PTCHD4: variants seen among roughly 807,000 people sequenced by gnomAD.
The protein encoded by PTCHD4 is patched domain-containing protein 4.
A neutral mutation model predicts 58.1 loss-of-function variants in PTCHD4; 33 were observed. The ratio of observed to expected loss-of-function variants is 0.57; its 90% CI spans 0.43 to 0.76. The LOEUF is 0.76. Among genes scored for constraint, PTCHD4 ranks in the 30% least tolerant of loss-of-function variants. The probability of loss-of-function intolerance (pLI) is 0.00; values close to 1 mark genes in which losing one functional copy is unlikely to be tolerated. For missense variants in PTCHD4, 1,058 were observed against 1,027.1 expected, an observed-to-expected ratio of 1.03 and a Z score of -0.41; for synonymous variants, 478 against 409.6, an observed-to-expected ratio of 1.17 and a Z score of -2.02.
rs1376098179 is a variant in PTCHD4 at position 47,860,239 on chromosome 6, A to G, written c.*18064T>C. On this transcript the variant is annotated 3_prime_UTR_variant, in exon 5 of 5. Coordinates refer to ENST00000339488, the MANE Select transcript of PTCHD4 (RefSeq NM_001384253.1). Reference sequence around the variant, plus strand: ...TTTAAAGAGATTGCAAGCAATTTAAAGGTAGAAAACACATCATACTTTTTC... The same window carrying G: ...TTTAAAGAGATTGCAAGCAATTTAAGGGTAGAAAACACATCATACTTTTTC... Among the ~76,000 whole-genome samples, 1 of 152,072 alleles carries G rather than the reference A, an allele frequency of 6.6e-6. No individual in the cohort carries two copies. Among genetic ancestry groups the G allele is most frequent in the African/African-American group, 2.4e-5 (1 of 41,440 alleles).
In PTCHD4 at chr6:47,957,438, C is replaced by T. The variant is rs16876871; in HGVS notation, c.898+51196G>A. 1.6e-3 allele frequency among the ~76,000 whole-genome samples: 247 copies of T among 150,754 alleles called. 5 individuals are homozygous for T. The highest frequency in any genetic ancestry group is 0.011 in the Admixed American group (160 of 15,158). On this transcript the variant is annotated intron_variant, in intron 4 of 4. Transcript: ENST00000339488. ...AAAGATGTACTTTCTATTTCTGTTA[C>T]GAATTTTCAGACCAATCGACATATG...
At chr6:47,888,791 A>C in intron 4 of PTCHD4, among the ~76,000 whole-genome samples, 2 of 135,052 alleles carry the variant, frequency 1.5e-5, no homozygotes, top group South Asian at 5.4e-4. Flanking sequence ...ATATCTCCCA[A>C]TGCTATCCCT....
At chr6:47,927,401 T>A (rs1474233535) in intron 4 of PTCHD4, among the ~76,000 whole-genome samples, 1 of 152,182 alleles carries the variant, frequency 6.6e-6, no homozygotes, top group Non-Finnish European at 1.5e-5. Context: ...CTGGTCCTGT[T>A]GTTCATGAGT....
intron 1 of PTCHD4, among the ~76,000 whole-genome samples, chr6:48,086,778 T>C (rs752272421): frequency 6.6e-6 from 1 of 152,128 alleles, no homozygotes; most frequent in Non-Finnish European, 1.5e-5. Flanking sequence ...AAGGAAAACA[T>C]CCAATATGTA....
intron 4 of PTCHD4, among the ~76,000 whole-genome samples, chr6:48,001,946 G>C (rs181122717): frequency 6.6e-6 from 1 of 152,052 alleles, no homozygotes; most frequent in Non-Finnish European, 1.5e-5. Context: ...ACAAGTGGGT[G>C]AAGGATATGA....
intron 1 of PTCHD4, among the ~76,000 whole-genome samples, chr6:48,102,830 C>T (rs903336259): frequency 1.3e-5 from 2 of 152,222 alleles, no homozygotes; most frequent in South Asian, 4.1e-4. Flanking sequence ...TCGGAGGGTC[C>T]TATGCCCACA....
chr6:47,911,645 C>T (rs1188945562), intron 4 of PTCHD4, among the ~76,000 whole-genome samples: 2 of 152,084 alleles, frequency 1.3e-5, no homozygotes, highest in African/African-American at 2.4e-5. Flanking sequence ...GAGGAATAGT[C>T]ATGGAAAGGG....
intron 4 of PTCHD4, among the ~76,000 whole-genome samples, chr6:47,902,838 G>A (rs182293232): frequency 2.0e-5 from 3 of 152,226 alleles, no homozygotes; most frequent in Admixed American, 6.5e-5. Flanking sequence ...GTTACAAAGT[G>A]TAAACATACA....
intron 4 of PTCHD4, among the ~76,000 whole-genome samples, chr6:47,968,896 A>G (rs1181654975): frequency 6.6e-6 from 1 of 152,174 alleles, no homozygotes; most frequent in Admixed American, 6.5e-5. Context: ...GCTGTACATT[A>G]TTCACTGATT....
intron 4 of PTCHD4, chr6:47,890,944 A>G (rs1764359138): frequency 1.0e-6 from 1 of 964,612 alleles, no homozygotes; most frequent in South Asian, 4.8e-5. Context: ...ACTGTGGCTC[A>G]CACCTGTAAT....
rs533737392 is a variant in PTCHD4, at chr6:47,922,102, C to T, written c.899-42166G>A. Among the ~76,000 whole-genome samples, 75 of 152,104 alleles carry T rather than the reference C, an allele frequency of 4.9e-4. 1 individual carries two copies. In the South Asian group the frequency reaches 0.015, roughly 30 times the overall value. On this transcript the variant is annotated intron_variant, in intron 4 of 4. Coordinates refer to ENST00000339488, the MANE Select transcript of PTCHD4 (RefSeq NM_001384253.1). The stretch of plus-strand genomic sequence containing the variant: ...GCAGTGATGTATGATTGCACCACTG[C>T]ACTTCAGCCTGGCCACAGAGTAAGA...
chr6:47,946,239 T>G (rs574824989), intron 4 of PTCHD4, among the ~76,000 whole-genome samples: 2 of 152,140 alleles, frequency 1.3e-5, no homozygotes, highest in Non-Finnish European at 2.9e-5. Context: ...GTTGAAATAT[T>G]CCATTATTAC....
chr6:48,086,572 A>G (rs2113898271), intron 1 of PTCHD4, among the ~76,000 whole-genome samples: 1 of 152,316 alleles, frequency 6.6e-6, no homozygotes, highest in South Asian at 2.1e-4. Context: ...TGTGGAGGCA[A>G]AAAGGAGAAG....
In PTCHD4 at chr6:47,878,223, G is replaced by A. The variant is rs1763898733; in HGVS notation, c.*80C>T. The A allele has an allele frequency of 7.5e-6, 10 of 1,340,002 alleles. No homozygotes were observed. The Admixed American group carries it at 1.4e-4, about 19-fold the overall frequency. 83.0% of individuals were successfully genotyped at this position (1,340,002 alleles called of 1,614,324 possible). A position where few individuals can be genotyped will look rare whatever the true frequency, so the allele number is the denominator to read the frequency against. On this transcript the variant is annotated 3_prime_UTR_variant, in exon 5 of 5. Coordinates refer to ENST00000339488, the MANE Select transcript of PTCHD4 (RefSeq NM_001384253.1). Reference sequence around the variant, plus strand: ...GCCTTGTTACCCCTGGCCAGCCCAAGCAGCTGAGGTCTGAGCTTTACTTGC... The same window carrying A: ...GCCTTGTTACCCCTGGCCAGCCCAAACAGCTGAGGTCTGAGCTTTACTTGC...
In PTCHD4 at chr6:48,016,867, C is replaced by A. The variant is rs151286881; in HGVS notation, c.418-7753G>T. Among the ~76,000 whole-genome samples, 483 of 152,304 alleles carry A rather than the reference C, an allele frequency of 3.2e-3. 4 individuals are homozygous for A. The highest frequency in any genetic ancestry group is 9.7e-3 in the African/African-American group (403 of 41,570). Reference sequence around the variant, plus strand: ...ATGATGGTTTGAAACTATAGGAGAGCAAGTACAGTATTTGTTCCTCCTATG... The same window carrying A: ...ATGATGGTTTGAAACTATAGGAGAGAAAGTACAGTATTTGTTCCTCCTATG... On this transcript the variant is annotated intron_variant, in intron 3 of 4. Coordinates refer to ENST00000339488, the MANE Select transcript of PTCHD4 (RefSeq NM_001384253.1).
chr6:48,102,068 A>C (rs1172504607), intron 1 of PTCHD4, among the ~76,000 whole-genome samples: 1 of 152,226 alleles, frequency 6.6e-6, no homozygotes, highest in Non-Finnish European at 1.5e-5. Context: ...CTCAGACCCC[A>C]GGCTACCAAT....
chr6:48,011,876 TG>T (rs1007654330), intron 3 of PTCHD4, among the ~76,000 whole-genome samples: 6 of 152,202 alleles, frequency 3.9e-5, no homozygotes, highest in African/African-American at 1.4e-4. Context: ...AAAGATTAGA[TG>T]GTTGTAGATG....
rs1763318163 is a variant in PTCHD4, at chr6:47,856,707, C to T, written c.*21596G>A. Among the ~76,000 whole-genome samples the T allele has an allele frequency of 6.6e-6, 1 of 152,002 alleles. No homozygotes were observed. The highest frequency in any genetic ancestry group is 1.9e-4 in the East Asian group (1 of 5,172). ...ACAAAACTTTAATTAGAAAACCAGACTCCTCTGATTATAAAAATTACACAA... is the reference window on the plus strand; with the variant it reads ...ACAAAACTTTAATTAGAAAACCAGATTCCTCTGATTATAAAAATTACACAA... On this transcript the variant is annotated 3_prime_UTR_variant, in exon 5 of 5. Transcript: ENST00000339488.
chr6:47,945,282 T>G (rs911128122), intron 4 of PTCHD4, among the ~76,000 whole-genome samples: 7 of 152,126 alleles, frequency 4.6e-5, no homozygotes, highest in Non-Finnish European at 8.8e-5. Flanking sequence ...AGAGTAGAAT[T>G]CAGTTATTCA....
Sources: gnomAD v4.1 joint callset for allele counts (sites outside exome capture counted in the v4.1 genomes callset) on GRCh38, gnomAD v4.1.1 for gene constraint, MANE v1.5 for transcripts, NCBI Gene and HGNC (gene_info 2026-07-23, HGNC 2026-07-21) for gene names.